Variants in CACNB3 observed in about 807,000 individuals in gnomAD.
CACNB3 encodes calcium voltage-gated channel auxiliary subunit beta 3.
A neutral mutation model predicts 63.7 loss-of-function variants in CACNB3; 36 were observed. The observed-to-expected ratio is 0.57, with a 90% confidence interval of 0.43 to 0.75. CACNB3 has a LOEUF of 0.75. CACNB3 is among the 30% of genes least tolerant of loss of function. The pLI is 0.00. For missense variants in CACNB3, 493 were observed against 648.6 expected (o/e 0.76, Z 2.61); for synonymous variants, 241 against 250.6 (o/e 0.96, Z 0.36).
Position 48,825,396 on chromosome 12 carries a change from C to T in CACNB3, c.574-38C>T. ...CCATGCATGGGGAGGCTGCTTCTCT[C>T]CAAAGGGGCCCTTCATCAGTGCCAT... On this transcript the variant is annotated intron_variant, in intron 7 of 12. Transcript: ENST00000301050. This position sits in a 1 kb window ranked among gnomAD's most constrained non-coding sequence, Gnocchi z 4.5. 1 of 1,612,930 alleles carries T rather than the reference C, an allele frequency of 6.2e-7. No individual in the cohort carries two copies. Among genetic ancestry groups the T allele is most frequent in the Non-Finnish European group, 8.5e-7 (1 of 1,178,964 alleles).
At chr12:48,815,496 GGAGGGAGGGAGGAGGGAGGAGAAA>G, upstream of CACNB3, 1 of 1,268,160 alleles carries the variant, frequency 7.9e-7, no homozygotes, top group East Asian at 2.7e-5. Flanking sequence ...GAAGGGAGAG[GGAGGGAGGGAGGAGGGAGGAGAAA>G]GAGGGAGGGA....
intron 1 of CACNB3, among the ~76,000 whole-genome samples, chr12:48,822,069 G>A (rs1937877405): frequency 6.6e-6 from 1 of 152,116 alleles, no homozygotes. Context: ...CATGCCCAGT[G>A]AGCTTGAGAG....
Position 48,827,000 on chromosome 12 carries a change from G to C in CACNB3, c.1017G>C (p.Glu339Asp). ...PPESFDVILD[E>D]NQLEDACEHL... is the part of the protein sequence containing the mutation. ...AGTCATTTGATGTGATTCTGGATGA[G>C]AACCAGCTGGAGGATGCCTGTGAGC... The change falls in exon 12 of 13, where the codon GAG becomes GAC. Residue 339 changes from glutamate (E) to aspartate (D), a missense_variant. Transcript: ENST00000301050. The surrounding 1 kb of genome is among the most constrained non-coding windows in gnomAD (Gnocchi z 4.8). 6.2e-7 allele frequency: 1 copy of C among 1,614,130 alleles called. No homozygotes were observed. The highest frequency in any genetic ancestry group is 1.3e-5 in the African/African-American group (1 of 75,050).
At position 48,823,147 on chromosome 12, in the gene CACNB3, G is replaced by T. The variant is rs1223710236; in HGVS notation, c.46-197G>T. The stretch of plus-strand genomic sequence containing the variant: ...GAGGGGCCCAGATCTTTGCACCTAT[G>T]GATTGGGCCAGCTTTCCTGTAGCCT... On this transcript the variant is annotated intron_variant, in intron 1 of 12. Coordinates refer to ENST00000301050, the MANE Select transcript of CACNB3 (RefSeq NM_000725.4). The surrounding 1 kb of genome is among the most constrained non-coding windows in gnomAD (Gnocchi z 4.2). Among the ~76,000 whole-genome samples the T allele has an allele frequency of 5.3e-5, 8 of 152,164 alleles. No homozygotes were observed. Among genetic ancestry groups the T allele is most frequent in the Non-Finnish European group, 1.2e-4 (8 of 68,016 alleles).
chr12:48,827,083 C>A lies in CACNB3; in HGVS notation c.1100C>A (p.Pro367His), dbSNP rs373382351. The A allele has an allele frequency of 1.2e-6, 2 of 1,613,086 alleles. No homozygotes were observed. The highest frequency in any genetic ancestry group is 1.7e-6 in the Non-Finnish European group (2 of 1,180,038). The stretch of plus-strand genomic sequence containing the variant: ...GCCACGCACCACCCAGCCCCTGGCC[C>A]CGGACTTCTGGGTCCTCCCAGTGCC... ...WRATHHPAPG[P>H]GLLGPPSAIP... is the part of the protein sequence containing the mutation. Residue 367 changes from proline to histidine, a missense_variant, in exon 12 of 13, where the codon CCC becomes CAC. Pro to His is a moderately conservative substitution (Grantham distance 77). Coordinates refer to ENST00000301050, the MANE Select transcript of CACNB3 (RefSeq NM_000725.4).
In CACNB3 at chr12:48,824,708, C is replaced by T. The variant is rs1938034856; in HGVS notation, c.447C>T (p.Asn149=). The change falls in exon 5 of 13, where the codon AAC becomes AAT. Residue 149 remains asparagine (N), a synonymous_variant. Coordinates refer to ENST00000301050, the MANE Select transcript of CACNB3 (RefSeq NM_000725.4). Reference sequence around the variant, plus strand: ...CTTCCAGCCTGAGTGACATTGGCAACCGACGCTCCCCTCCGCCATCTCTAG... The same window carrying T: ...CTTCCAGCCTGAGTGACATTGGCAATCGACGCTCCCCTCCGCCATCTCTAG... The part of the protein sequence containing the change: ...GNPSSLSDIG[N]RRSPPPSLAK... 2 of 1,613,806 alleles carry T rather than the reference C, an allele frequency of 1.2e-6. No homozygotes were observed. The highest frequency in any genetic ancestry group is 1.3e-5 in the African/African-American group (1 of 74,902).
chr12:48,823,253 G>A lies in CACNB3; in HGVS notation c.46-91G>A. 6.7e-7 allele frequency: 1 copy of A among 1,485,292 alleles called. No homozygotes were observed. Among genetic ancestry groups the A allele is most frequent in the Non-Finnish European group, 9.1e-7 (1 of 1,095,238 alleles). The allele number at this position is 1,485,292 out of a possible 1,614,324, so 92.0% of individuals were successfully genotyped here. On this transcript the variant is annotated intron_variant, in intron 1 of 12. Transcript: ENST00000301050. This position sits in a 1 kb window ranked among gnomAD's most constrained non-coding sequence, Gnocchi z 4.2. ...CCCCTTGGAGATGGAGAAACTGGGG[G>A]CAATAGAGGCAACACTGTAAGGTGA... is the stretch of plus-strand genomic sequence containing the variant.
chr12:48,825,180 A>G lies in CACNB3; in HGVS notation c.510A>G (p.Pro170=), dbSNP rs1128345. Residue 170 remains proline (P), a synonymous_variant, in exon 7 of 13, where the codon CCA becomes CCG. Transcript: ENST00000301050. The surrounding 1 kb of genome is among the most constrained non-coding windows in gnomAD (Gnocchi z 4.5). ...QKQKQAEHVP[P]YDVVPSMRPV... ...TTCTGCAGGCGGAACATGTTCCCCC[A>G]TATGACGTGGTGCCCTCCATGCGGC... 0.014 allele frequency: 23,351 copies of G among 1,614,060 alleles called. 220 individuals carry two copies. Among genetic ancestry groups the G allele is most frequent in the Non-Finnish European group, 0.017 (19,910 of 1,179,992 alleles).
Position 48,826,482 on chromosome 12 carries a change from C to T in CACNB3, c.858C>T (p.Ala286=). The T allele has an allele frequency of 1.2e-6, 2 of 1,614,124 alleles. No individual in the cohort carries two copies. Among genetic ancestry groups the T allele is most frequent in the Non-Finnish European group, 1.7e-6 (2 of 1,180,010 alleles). ...HPAQLAKTSL[A]PIIVFVKVSS... ...CACAGCTGGCCAAGACCTCGCTGGCCCCCATCATCGTCTTTGTCAAAGTGT... is the reference window on the plus strand; with the variant it reads ...CACAGCTGGCCAAGACCTCGCTGGCTCCCATCATCGTCTTTGTCAAAGTGT... The change falls in exon 10 of 13, where the codon GCC becomes GCT. Residue 286 remains alanine, a synonymous_variant. Transcript: ENST00000301050. The surrounding 1 kb of genome is among the most constrained non-coding windows in gnomAD (Gnocchi z 4.8).
chr12:48,826,841 T>G lies in CACNB3; in HGVS notation c.977T>G (p.Val326Gly). 1 of 1,614,010 alleles carries G rather than the reference T, an allele frequency of 6.2e-7. No homozygotes were observed. The highest frequency in any genetic ancestry group is 8.5e-7 in the Non-Finnish European group (1 of 1,179,910). Residue 326 changes from valine (V) to glycine (G), a missense_variant, in exon 11 of 13, where the codon GTT (valine) becomes GGT (glycine). Val to Gly is a moderately radical substitution (Grantham distance 109). Coordinates refer to ENST00000301050, the MANE Select transcript of CACNB3 (RefSeq NM_000725.4). The surrounding 1 kb of genome is among the most constrained non-coding windows in gnomAD (Gnocchi z 4.8). ...CAGATGATGGCATATGATAAGCTGG[T>G]TCAGTGCCCACCGGTGAGTGCCTGG... ...TVQMMAYDKLVQCPPESFDVI... is the reference protein window; with the variant it reads ...TVQMMAYDKLGQCPPESFDVI...
intron 1 of CACNB3, chr12:48,820,881 C>T (rs1937812760): frequency 1.3e-5 from 2 of 152,162 alleles, no homozygotes; most frequent in Non-Finnish European, 2.9e-5. Context: ...AGCCAGATGC[C>T]TCAGGCGTTA....
In CACNB3 at chr12:48,828,291, G is replaced by A. The variant is rs1938257862; in HGVS notation, c.*392G>A. 1 of 314,584 alleles carries A rather than the reference G, an allele frequency of 3.2e-6. No homozygotes were observed. Among genetic ancestry groups the A allele is most frequent in the South Asian group, 3.3e-5 (1 of 30,158 alleles). The allele number at this position is 314,584 out of a possible 1,614,324, so 19.5% of individuals were successfully genotyped here. ...CAAAAGGGTGGGGTGTGGGCACCAT[G>A]GCATGAGGAAGAAACAAGGTCCCTG... On this transcript the variant is annotated 3_prime_UTR_variant, in exon 13 of 13. Coordinates refer to ENST00000301050, the MANE Select transcript of CACNB3 (RefSeq NM_000725.4).
chr12:48,818,707 A>G lies in CACNB3; in HGVS notation c.-223A>G, dbSNP rs1271687034. On this transcript the variant is annotated 5_prime_UTR_variant, in exon 1 of 13. Transcript: ENST00000301050. The surrounding 1 kb of genome is among the most constrained non-coding windows in gnomAD (Gnocchi z 4.3). ...ATTCCTCAGCCGCGCTCGGGGTGGG[A>G]CCGGCTGGGTTTGGGGGGGTGGGGT... 1 of 621,188 alleles carries G rather than the reference A, an allele frequency of 1.6e-6. No individual in the cohort carries two copies. The highest frequency in any genetic ancestry group is 2.1e-6 in the Non-Finnish European group (1 of 471,826). The allele number at this position is 621,188 out of a possible 1,614,324, so 38.5% of individuals were successfully genotyped here. A position where few individuals can be genotyped will look rare whatever the true frequency, so the allele number is the denominator to read the frequency against.
In CACNB3 at chr12:48,818,571, C is replaced by A; in HGVS notation, c.-359C>A. 1 of 1,072,548 alleles carries A rather than the reference C, an allele frequency of 9.3e-7. No individual in the cohort carries two copies. Among genetic ancestry groups the A allele is most frequent in the Non-Finnish European group, 1.1e-6 (1 of 886,744 alleles). The allele number at this position is 1,072,548 out of a possible 1,614,324, so 66.4% of individuals were successfully genotyped here. A position where few individuals can be genotyped will look rare whatever the true frequency, so the allele number is the denominator to read the frequency against. ...CCACCTAGCACGGGTTCGTTCCCCT[C>A]TCCCGGCCTGGCCCGGGCTCCCCGG... On this transcript the variant is annotated 5_prime_UTR_variant, in exon 1 of 13. Coordinates refer to ENST00000301050, the MANE Select transcript of CACNB3 (RefSeq NM_000725.4). This position sits in a 1 kb window ranked among gnomAD's most constrained non-coding sequence, Gnocchi z 4.3.
In CACNB3 at chr12:48,827,517, C is replaced by G. The variant is rs1938211392; in HGVS notation, c.1141-68C>G. 1.6e-5 allele frequency: 23 copies of G among 1,403,040 alleles called. No individual in the cohort carries two copies. The South Asian group carries it at 2.7e-4, about 16-fold the overall frequency. 86.9% of individuals were successfully genotyped at this position (1,403,040 alleles called of 1,614,324 possible). On this transcript the variant is annotated intron_variant, in intron 12 of 12. Transcript: ENST00000301050. The stretch of plus-strand genomic sequence containing the variant: ...AATTGAGAGTTGAGGGGGGAAGAAT[C>G]TCGCACCTCACCAGAAGACAAGGTG...
Position 48,826,157 on chromosome 12 carries a change from T to C in CACNB3, c.743-210T>C, listed in dbSNP as rs1000017083. Reference sequence around the variant, plus strand: ...CTTCCCTTTTCTCTTCCTTACCTCCTTGTCTTTCTGCCCAACTCCTCTACC... The same window carrying C: ...CTTCCCTTTTCTCTTCCTTACCTCCCTGTCTTTCTGCCCAACTCCTCTACC... On this transcript the variant is annotated intron_variant, in intron 9 of 12. Transcript: ENST00000301050. The surrounding 1 kb of genome is among the most constrained non-coding windows in gnomAD (Gnocchi z 4.8). The C allele has an allele frequency of 6.7e-6, 4 of 595,892 alleles. No homozygotes were observed. The East Asian group carries it at 8.4e-5, about 12-fold the overall frequency. 36.9% of individuals were successfully genotyped at this position (595,892 alleles called of 1,614,324 possible).
chr12:48,825,824 T>C lies in CACNB3; in HGVS notation c.742+55T>C. ...CCCACTCAAGTGCCAGTGAGAACCTTCCTCCTCCCTTTTCTTTTTTTTGAG... is the reference window on the plus strand; with the variant it reads ...CCCACTCAAGTGCCAGTGAGAACCTCCCTCCTCCCTTTTCTTTTTTTTGAG... On this transcript the variant is annotated intron_variant, in intron 9 of 12. Coordinates refer to ENST00000301050, the MANE Select transcript of CACNB3 (RefSeq NM_000725.4). The surrounding 1 kb of genome is among the most constrained non-coding windows in gnomAD (Gnocchi z 4.5). The C allele has an allele frequency of 1.6e-6, 2 of 1,243,396 alleles. No homozygotes were observed. 77.0% of individuals were successfully genotyped at this position (1,243,396 alleles called of 1,614,324 possible).
chr12:48,816,346 TAGAA>T (rs1942287848), upstream of CACNB3, among the ~76,000 whole-genome samples: 1 of 152,222 alleles, frequency 6.6e-6, no homozygotes, highest in Non-Finnish European at 1.5e-5. Flanking sequence ...AACTCTCTCC[TAGAA>T]AGAATCAGCA....
Position 48,828,213 on chromosome 12 carries a change from C to G in CACNB3, c.*314C>G, listed in dbSNP as rs1268735475. On this transcript the variant is annotated 3_prime_UTR_variant, in exon 13 of 13. Coordinates refer to ENST00000301050, the MANE Select transcript of CACNB3 (RefSeq NM_000725.4). ...GGCAGTGCCCTCAGGCCAGGATCCC[C>G]TTAGCAGGGTCCTTCCCACCAGACT... is the stretch of plus-strand genomic sequence containing the variant. 16 of 440,458 alleles carry G rather than the reference C, an allele frequency of 3.6e-5. No individual in the cohort carries two copies. The highest frequency in any genetic ancestry group is 3.8e-5 in the Non-Finnish European group (9 of 237,900). 27.3% of individuals were successfully genotyped at this position (440,458 alleles called of 1,614,324 possible). A position where few individuals can be genotyped will look rare whatever the true frequency, so the allele number is the denominator to read the frequency against.
Sources: gnomAD v4.1 joint callset for allele counts (sites outside exome capture counted in the v4.1 genomes callset) on GRCh38, gnomAD v4.1.1 for gene constraint, Gnocchi (gnomAD v3.1) non-coding constraint, MANE v1.5 for transcripts, NCBI Gene and HGNC (gene_info 2026-07-23, HGNC 2026-07-21) for gene names.